Variants in PDE11A observed in about 807,000 individuals in gnomAD.
The protein encoded by PDE11A is phosphodiesterase 11A, also known as dual 3',5'-cyclic-AMP and -GMP phosphodiesterase 11A.
PDE11A carries 100 observed loss-of-function variants against 100.5 expected under a neutral mutation model. The ratio of observed to expected loss-of-function variants is 1.00; its 90% CI spans 0.85 to 1.18. The LOEUF (loss-of-function observed/expected upper bound fraction) is 1.18. PDE11A is among the 50% of genes most tolerant of loss of function. The pLI, the probability that PDE11A is intolerant of heterozygous loss-of-function variation, is 0.00. For synonymous variants in PDE11A, 381 were observed against 420.8 expected, an observed-to-expected ratio of 0.91 and a Z score of 1.16; for missense variants, 1,141 against 1,152.6, an observed-to-expected ratio of 0.99 and a Z score of 0.15.
chr2:177,983,418 C>T (rs1351435319), intron 2 of PDE11A, among the ~76,000 whole-genome samples: 1 of 152,110 alleles, frequency 6.6e-6, no homozygotes, highest in Non-Finnish European at 1.5e-5. Context: ...TACTGATGCA[C>T]CTTTTAATCA....
At chr2:177,733,052 A>G (rs924596336) in intron 10 of PDE11A, among the ~76,000 whole-genome samples, 4 of 152,214 alleles carry the variant, frequency 2.6e-5, no homozygotes, top group African/African-American at 7.2e-5. Flanking sequence ...TGTTATAGAG[A>G]CACAGTGCTC....
At chr2:177,860,976 G>C (rs1018020813) in intron 5 of PDE11A, among the ~76,000 whole-genome samples, 7 of 151,846 alleles carry the variant, frequency 4.6e-5, no homozygotes, top group African/African-American at 1.7e-4. Flanking sequence ...AAAATGCACA[G>C]CTAACACAGT....
At chr2:178,069,504 G>A (rs578245047) in intron 1 of PDE11A, among the ~76,000 whole-genome samples, 2 of 151,688 alleles carry the variant, frequency 1.3e-5, no homozygotes, top group African/African-American at 4.9e-5. Flanking sequence ...CATACAGCAC[G>A]TTTCCCCTAC....
intron 2 of PDE11A, among the ~76,000 whole-genome samples, chr2:178,001,084 A>C (rs13028692): frequency 0.055 from 8,449 of 152,270 alleles, 296 homozygotes; most frequent in South Asian, 0.092. Flanking sequence ...TAAGGTGAGA[A>C]TTATAATAAT....
chr2:177,650,798 T>C (rs1222921282), intron 19 of PDE11A, among the ~76,000 whole-genome samples: 5 of 152,202 alleles, frequency 3.3e-5, no homozygotes, highest in Non-Finnish European at 7.3e-5. Flanking sequence ...TAGTGACCTT[T>C]CAGGGTTTTG....
At chr2:177,947,490 CAT>C (rs2085457646) in intron 2 of PDE11A, among the ~76,000 whole-genome samples, 1 of 152,200 alleles carries the variant, frequency 6.6e-6, no homozygotes, top group African/African-American at 2.4e-5. Context: ...CTCTCTGAAA[CAT>C]GTGCTGTGTC....
chr2:177,725,046 T>A (rs937667609), intron 12 of PDE11A, among the ~76,000 whole-genome samples: 10 of 152,204 alleles, frequency 6.6e-5, no homozygotes, highest in African/African-American at 2.4e-4. Context: ...GAATGGAATT[T>A]TAATCACTGA....
At chr2:177,664,354 C>T (rs13026012) in intron 18 of PDE11A, among the ~76,000 whole-genome samples, 123,936 of 152,166 alleles carry the variant, frequency 0.81, 51,178 homozygotes, top group East Asian at 0.98. Flanking sequence ...TAGGACAAAT[C>T]GGAAAATATC....
rs543190817 is a variant in PDE11A at position 177,823,531 on chromosome 2, T to C, written c.1501-3236A>G. ...TACAACCACCCCATGAAGTAGGTACTGTTATCATCCTCTCTTATCAGATGA... is the reference window on the plus strand; with the variant it reads ...TACAACCACCCCATGAAGTAGGTACCGTTATCATCCTCTCTTATCAGATGA... On this transcript the variant is annotated intron_variant, in intron 6 of 19. Transcript: ENST00000286063. 3.9e-5 allele frequency among the ~76,000 whole-genome samples: 6 copies of C among 152,298 alleles called. No individual in the cohort carries two copies. The South Asian group carries it at 1.2e-3, about 32-fold the overall frequency.
At position 177,964,151 on chromosome 2, in the gene PDE11A, TG is replaced by T. The variant is rs1445590269; in HGVS notation, c.1071+50150del. ...TTATTTTATTTCTGTTTTGTTTGTT[TG>T]GTTTTTTTTTTTATTGAGACAGGGT... On this transcript the variant is annotated intron_variant, in intron 2 of 19. Coordinates refer to ENST00000286063, the MANE Select transcript of PDE11A (RefSeq NM_016953.4). Among the ~76,000 whole-genome samples the T allele has an allele frequency of 0.016, 101 of 6,474 alleles. No individual in the cohort carries two copies. The South Asian group carries it at 0.17, about 11-fold the overall frequency. 4.2% of individuals were successfully genotyped at this position (6,474 alleles called of 152,430 possible).
chr2:177,930,064 T>G (rs2085185053), intron 2 of PDE11A, among the ~76,000 whole-genome samples: 2 of 152,224 alleles, frequency 1.3e-5, no homozygotes, highest in African/African-American at 4.8e-5. Flanking sequence ...GTTAATACTT[T>G]AGATTTCTCA....
chr2:177,713,239 C>T (rs2081383535), intron 12 of PDE11A, among the ~76,000 whole-genome samples: 1 of 152,150 alleles, frequency 6.6e-6, no homozygotes, highest in African/African-American at 2.4e-5. Context: ...GAACTCCTGA[C>T]ATCAGGTGAT....
At chr2:178,068,111 A>AGAGAAC (rs1481799688) in intron 1 of PDE11A, among the ~76,000 whole-genome samples, 6 of 152,150 alleles carry the variant, frequency 3.9e-5, no homozygotes, top group Non-Finnish European at 7.3e-5. Flanking sequence ...TCTTATTTTC[A>AGAGAAC]ACCTCTTGAG....
chr2:177,884,358 G>A (rs984726890), intron 4 of PDE11A, among the ~76,000 whole-genome samples: 59 of 152,160 alleles, frequency 3.9e-4, no homozygotes, highest in African/African-American at 1.3e-3. Flanking sequence ...ACGTTTCTGT[G>A]AAACCCCATC....
chr2:177,946,753 G>C (rs1237235960), intron 2 of PDE11A, among the ~76,000 whole-genome samples: 2 of 34,552 alleles, frequency 5.8e-5, no homozygotes, highest in Non-Finnish European at 1.2e-4. Context: ...TCAGCCCCCC[G>C]CCCGGCCAGC....
At chr2:177,780,970 C>T (rs755371026) in intron 9 of PDE11A, among the ~76,000 whole-genome samples, 6 of 152,206 alleles carry the variant, frequency 3.9e-5, no homozygotes, top group Non-Finnish European at 8.8e-5. Context: ...AAAAACTTTT[C>T]CTTTGCATTT....
chr2:178,061,520 T>C (rs1046368518), intron 1 of PDE11A, among the ~76,000 whole-genome samples: 4 of 152,168 alleles, frequency 2.6e-5, no homozygotes, highest in African/African-American at 9.7e-5. Flanking sequence ...TACTCAAACA[T>C]GATCTACCAA....
intron 9 of PDE11A, among the ~76,000 whole-genome samples, chr2:177,811,270 A>G (rs529352952): frequency 2.4e-4 from 37 of 152,274 alleles, no homozygotes; most frequent in African/African-American, 8.7e-4. Flanking sequence ...TCTTGGTCAT[A>G]TAGAATGGAA....
At chr2:177,868,227 C>A (rs899806699) in intron 5 of PDE11A, among the ~76,000 whole-genome samples, 2 of 152,162 alleles carry the variant, frequency 1.3e-5, no homozygotes, top group Non-Finnish European at 1.5e-5. Context: ...TGAGAAAAGT[C>A]ACAGGGCTGT....
Sources: gnomAD v4.1 joint callset for allele counts (sites outside exome capture counted in the v4.1 genomes callset) on GRCh38, gnomAD v4.1.1 for gene constraint, MANE v1.5 for transcripts, NCBI Gene and HGNC (gene_info 2026-07-23, HGNC 2026-07-21) for gene names.